Variants in CAMK2B observed in about 807,000 individuals in gnomAD.
The protein encoded by CAMK2B is calcium/calmodulin-dependent protein kinase type II subunit beta.
In CAMK2B, 27 loss-of-function variants were observed where a neutral mutation model predicts 93.7. That is an observed-to-expected ratio of 0.29 (90% CI 0.21 to 0.40). CAMK2B has a LOEUF of 0.40. Among genes scored for constraint, CAMK2B ranks in the 10% least tolerant of loss-of-function variants. The probability of loss-of-function intolerance (pLI) is 1.00; values close to 1 mark genes in which losing one functional copy is unlikely to be tolerated. For missense variants in CAMK2B, 568 were observed against 895.8 expected (o/e 0.63, Z 4.67); for synonymous variants, 374 against 358.8 (o/e 1.04, Z -0.48).
chr7:44,291,142 C>T (rs1261768021), intron 1 of CAMK2B, among the ~76,000 whole-genome samples: 1 of 152,210 alleles, frequency 6.6e-6, no homozygotes, highest in Non-Finnish European at 1.5e-5. Context: ...CTTCTTTGCT[C>T]ATGGATACTG....
intron 1 of CAMK2B, among the ~76,000 whole-genome samples, chr7:44,310,576 G>A (rs920574935): frequency 3.3e-5 from 5 of 152,224 alleles, no homozygotes; most frequent in Admixed American, 6.5e-5. Context: ...AGCAACCTGC[G>A]TCTGTCAATA....
At chr7:44,295,710 T>A (rs933307829) in intron 1 of CAMK2B, among the ~76,000 whole-genome samples, 3 of 152,186 alleles carry the variant, frequency 2.0e-5, no homozygotes, top group African/African-American at 7.2e-5. Context: ...CATTTTGAAA[T>A]ATGCCACGGC....
chr7:44,275,417 T>C (rs1270934095), intron 2 of CAMK2B, among the ~76,000 whole-genome samples: 1 of 152,246 alleles, frequency 6.6e-6, no homozygotes, highest in African/African-American at 2.4e-5. Flanking sequence ...CCCGGCTCCC[T>C]GTTCTCCTGG....
At chr7:44,303,017 C>CA (rs934109547) in intron 1 of CAMK2B, among the ~76,000 whole-genome samples, 1 of 152,004 alleles carries the variant, frequency 6.6e-6, no homozygotes, top group African/African-American at 2.4e-5. Flanking sequence ...AAAGAATCAA[C>CA]AAAAAAATTC....
Position 44,312,362 on chromosome 7 carries a change from C to T in CAMK2B, c.65+12995G>A, listed in dbSNP as rs1269264386. Reference sequence around the variant, plus strand: ...GTGACACTCTCAGGGGCTGCAAAGCCCCAGAACGGCCTTCAGAGCTAGGGA... The same window carrying T: ...GTGACACTCTCAGGGGCTGCAAAGCTCCAGAACGGCCTTCAGAGCTAGGGA... On this transcript the variant is annotated intron_variant, in intron 1 of 23. Coordinates refer to ENST00000395749, the MANE Select transcript of CAMK2B (RefSeq NM_001220.5). The surrounding 1 kb of genome is among the most constrained non-coding windows in gnomAD (Gnocchi z 4.1). Among the ~76,000 whole-genome samples the T allele has an allele frequency of 1.3e-5, 2 of 152,112 alleles. No homozygotes were observed. Among genetic ancestry groups the T allele is most frequent in the African/African-American group, 4.8e-5 (2 of 41,406 alleles).
chr7:44,258,771 C>T, intron 4 of CAMK2B, 101 bp downstream of exon 4: 1 of 1,077,746 alleles, frequency 9.3e-7, no homozygotes, highest in South Asian at 1.3e-5. Flanking sequence ...GTGGCCAGCC[C>T]ACGGGTAGGG....
chr7:44,258,299 A>G (rs1005218955), intron 4 of CAMK2B, among the ~76,000 whole-genome samples: 2 of 152,182 alleles, frequency 1.3e-5, no homozygotes, highest in African/African-American at 2.4e-5. Flanking sequence ...GCGTACCCAC[A>G]TGCACACACC....
At chr7:44,259,755 T>C (rs1383912071) in intron 3 of CAMK2B, among the ~76,000 whole-genome samples, 1 of 152,160 alleles carries the variant, frequency 6.6e-6, no homozygotes, top group Non-Finnish European at 1.5e-5. Context: ...TGCCCTGTAC[T>C]AAGCAGCAAA....
At chr7:44,322,021 G>A (rs1483529458) in intron 1 of CAMK2B, among the ~76,000 whole-genome samples, 7 of 152,228 alleles carry the variant, frequency 4.6e-5, no homozygotes, top group East Asian at 1.9e-4. Context: ...CGCCCCAGAC[G>A]CATTCAGGGC....
chr7:44,297,716 A>G (rs976015679), intron 1 of CAMK2B, among the ~76,000 whole-genome samples: 4 of 151,410 alleles, frequency 2.6e-5, no homozygotes, highest in East Asian at 3.9e-4. Flanking sequence ...TTTTGCAGGG[A>G]AAAAAAAACC....
chr7:44,296,557 C>T (rs1788376594), intron 1 of CAMK2B, among the ~76,000 whole-genome samples: 1 of 151,870 alleles, frequency 6.6e-6, no homozygotes, highest in Admixed American at 6.6e-5. Context: ...AAAATTGAAG[C>T]CAGGCACCAA....
intron 2 of CAMK2B, among the ~76,000 whole-genome samples, chr7:44,266,677 C>T (rs938348263): frequency 6.6e-6 from 1 of 152,206 alleles, no homozygotes; most frequent in Non-Finnish European, 1.5e-5. Flanking sequence ...GGAAGTCTGC[C>T]AACAGCGGCT....
intron 1 of CAMK2B, among the ~76,000 whole-genome samples, chr7:44,300,020 C>CTGTGTCTGTGTG (rs71011968): frequency 0.011 from 1,516 of 141,688 alleles, 13 homozygotes; most frequent in South Asian, 0.018. Flanking sequence ...GTGTATGTGT[C>CTGTGTCTGTGTG]TGTGTGTGTG....
intron 6 of CAMK2B, among the ~76,000 whole-genome samples, chr7:44,245,826 A>C (rs2096724546): frequency 6.6e-6 from 1 of 152,194 alleles, no homozygotes; most frequent in East Asian, 1.9e-4. Context: ...TTCAGCATGA[A>C]AACCAATGGG....
intron 5 of CAMK2B, among the ~76,000 whole-genome samples, chr7:44,252,401 G>A (rs1000386552): frequency 3.3e-5 from 5 of 151,836 alleles, no homozygotes; most frequent in African/African-American, 1.2e-4. Flanking sequence ...GGGGGCTCTG[G>A]GGGGCTGCAG....
At chr7:44,233,101 G>T (rs922670636) in intron 15 of CAMK2B, among the ~76,000 whole-genome samples, 2 of 152,126 alleles carry the variant, frequency 1.3e-5, no homozygotes, top group African/African-American at 4.8e-5. Flanking sequence ...CCAGGCTGGC[G>T]GAGGTGCTGC....
At chr7:44,278,238 G>A (rs531119338) in intron 2 of CAMK2B, among the ~76,000 whole-genome samples, 14 of 152,322 alleles carry the variant, frequency 9.2e-5, no homozygotes, top group Middle Eastern at 6.8e-3. Flanking sequence ...GGGTATTCAC[G>A]AGGGGTCCTC....
At chr7:44,220,801 C>CA (rs770881109) in intron 21 of CAMK2B, 25 bp downstream of exon 21, 7 of 1,409,322 alleles carry the variant, frequency 5.0e-6, no homozygotes, top group East Asian at 2.6e-5. Context: ...TCCTGCACAG[C>CA]CCCCCCCCAG....
chr7:44,288,045 G>C (rs948237929), intron 1 of CAMK2B, among the ~76,000 whole-genome samples: 2 of 152,216 alleles, frequency 1.3e-5, no homozygotes, highest in Non-Finnish European at 2.9e-5. Flanking sequence ...CTCAGGGCTT[G>C]TCCAGCCCAG....
Sources: gnomAD v4.1 joint callset for allele counts (sites outside exome capture counted in the v4.1 genomes callset) on GRCh38, gnomAD v4.1.1 for gene constraint, Gnocchi (gnomAD v3.1) non-coding constraint, MANE v1.5 for transcripts, NCBI Gene and HGNC (gene_info 2026-07-23, HGNC 2026-07-21) for gene names.